CPEB1: variants seen among roughly 807,000 people sequenced by gnomAD.
The protein encoded by CPEB1 is cytoplasmic polyadenylation element-binding protein 1.
A neutral mutation model predicts 65.8 loss-of-function variants in CPEB1; 7 were observed. The observed-to-expected ratio is 0.11, with a 90% CI of 0.06 to 0.20. The LOEUF (loss-of-function observed/expected upper bound fraction) is 0.20. CPEB1 is among the 10% of genes least tolerant of loss of function. The pLI is 1.00. For synonymous variants in CPEB1, 262 were observed against 260.0 expected, an observed-to-expected ratio of 1.01 and a Z score of -0.08; for missense variants, 551 against 712.2, an observed-to-expected ratio of 0.77 and a Z score of 2.58.
Position 82,582,818 on chromosome 15 carries a change from C to T in CPEB1, c.272-11286G>A, listed in dbSNP as rs139240080. ...GTGCAGTGGCGTGATCTGGACTCAC[C>T]GCAAGCTCCGCCTCCCGGGTTCACG... On this transcript the variant is annotated intron_variant, in intron 3 of 12. Transcript: ENST00000684509. 8.7e-5 allele frequency among the ~76,000 whole-genome samples: 13 copies of T among 150,112 alleles called. 1 individual carries two copies. In the East Asian group the frequency reaches 2.0e-3, roughly 23 times the overall value.
intron 3 of CPEB1, among the ~76,000 whole-genome samples, chr15:82,611,525 G>C (rs569647326): frequency 1.3e-5 from 2 of 152,114 alleles, no homozygotes; most frequent in East Asian, 3.9e-4. Context: ...GGGAGGCTGA[G>C]GCAGGAGGAC....
intron 3 of CPEB1, among the ~76,000 whole-genome samples, chr15:82,596,460 C>T (rs1417864405): frequency 6.6e-6 from 1 of 152,070 alleles, no homozygotes; most frequent in Non-Finnish European, 1.5e-5. Flanking sequence ...AATCCCAGCA[C>T]TTTGGGAGAC....
At chr15:82,571,969 G>T in intron 3 of CPEB1, 1 of 531,264 alleles carries the variant, frequency 1.9e-6, no homozygotes, top group Non-Finnish European at 2.4e-6. Flanking sequence ...AGTCTGGGTT[G>T]CAAGGCAGCG....
At chr15:82,561,356 G>A (rs974861206) in intron 4 of CPEB1, among the ~76,000 whole-genome samples, 1 of 152,120 alleles carries the variant, frequency 6.6e-6, no homozygotes, top group Non-Finnish European at 1.5e-5. Flanking sequence ...AGCAGAAAAT[G>A]GGGGGAGCAT....
intron 9 of CPEB1, among the ~76,000 whole-genome samples, 175 bp downstream of exon 9, chr15:82,552,305 T>C (rs371754061): frequency 0.022 from 3,329 of 151,788 alleles, 125 homozygotes; most frequent in African/African-American, 0.076. Context: ...GTTGCTTTTT[T>C]TTTTTTTTAA....
intron 1 of CPEB1, among the ~76,000 whole-genome samples, chr15:82,635,701 G>C (rs2046603510): frequency 6.6e-6 from 1 of 152,058 alleles, no homozygotes; most frequent in Non-Finnish European, 1.5e-5. Flanking sequence ...ATTCAGGTAG[G>C]AAAAAGAAAC....
At chr15:82,611,588 C>G (rs2044156218) in intron 3 of CPEB1, among the ~76,000 whole-genome samples, 1 of 151,574 alleles carries the variant, frequency 6.6e-6, no homozygotes, top group Non-Finnish European at 1.5e-5. Flanking sequence ...AAGACCCCAT[C>G]TCTACAAAAA....
At chr15:82,614,402 CTA>C (rs920809409) in intron 3 of CPEB1, among the ~76,000 whole-genome samples, 1 of 152,148 alleles carries the variant, frequency 6.6e-6, no homozygotes, top group African/African-American at 2.4e-5. Flanking sequence ...TCCATATATT[CTA>C]TGTTTAACAA....
intron 4 of CPEB1, among the ~76,000 whole-genome samples, chr15:82,561,224 C>T (rs1344171352): frequency 6.6e-6 from 1 of 152,150 alleles, no homozygotes; most frequent in Middle Eastern, 3.2e-3. Context: ...TTCATGTGGA[C>T]ACTAAAAAGA....
chr15:82,563,357 CTTTTTTTT>C (rs71453394), intron 4 of CPEB1, among the ~76,000 whole-genome samples: 9 of 92,068 alleles, frequency 9.8e-5, no homozygotes, highest in Admixed American at 1.4e-4. Context: ...CATCTCTATT[CTTTTTTTT>C]TTTTTTTTTT....
At chr15:82,552,757 G>C in intron 8 of CPEB1, 141 bp from the exon 9 acceptor site, 1 of 917,998 alleles carries the variant, frequency 1.1e-6, no homozygotes, top group South Asian at 1.6e-5. Flanking sequence ...GAAAAGTCGT[G>C]TTGAGTGGAA....
chr15:82,597,812 C>A (rs373607256), intron 3 of CPEB1, among the ~76,000 whole-genome samples: 2 of 152,128 alleles, frequency 1.3e-5, no homozygotes, highest in African/African-American at 4.8e-5. Context: ...AAGAATGAGA[C>A]CCTGTCTCAA....
intron 1 of CPEB1, among the ~76,000 whole-genome samples, chr15:82,646,648 T>C (rs2047562732): frequency 6.6e-6 from 1 of 152,188 alleles, no homozygotes; most frequent in South Asian, 2.1e-4. Context: ...CCCAGGCGTC[T>C]GCCTGGCTTT....
rs1413976965 is a variant in CPEB1, at chr15:82,553,957, C to A, written c.975G>T (p.Gln325His). The change falls in exon 7 of 13, where the codon CAG (glutamine) becomes CAT (histidine). Residue 325 changes from glutamine (Q) to histidine (H), a missense_variant. Transcript: ENST00000684509. The part of the protein sequence containing the change: ...VNEATCTWSG[Q>H]LPPRNYKNPI... The stretch of plus-strand genomic sequence containing the variant: ...GGTTCTTATAGTTCCGGGGAGGAAG[C>A]TGGCCACTCCAGGTACAGGTGGCTT... 1.2e-6 allele frequency: 2 copies of A among 1,612,040 alleles called. No individual in the cohort carries two copies. The highest frequency in any genetic ancestry group is 1.7e-6 in the Non-Finnish European group (2 of 1,179,270).
chr15:82,576,906 T>C lies in CPEB1; in HGVS notation c.272-5374A>G, dbSNP rs182749948. ...GGGCATGGTGGGTGCACACTTGTAGTCACAGCTACTTGGGTGGCTGAGGTG... is the reference window on the plus strand; with the variant it reads ...GGGCATGGTGGGTGCACACTTGTAGCCACAGCTACTTGGGTGGCTGAGGTG... On this transcript the variant is annotated intron_variant, in intron 3 of 12. Coordinates refer to ENST00000684509, the MANE Select transcript of CPEB1 (RefSeq NM_001365242.1). Among the ~76,000 whole-genome samples the C allele has an allele frequency of 1.6e-3, 249 of 152,184 alleles. 1 individual carries two copies. The highest frequency in any genetic ancestry group is 5.7e-3 in the African/African-American group (238 of 41,530).
At chr15:82,612,806 C>CA (rs1454276629) in intron 3 of CPEB1, among the ~76,000 whole-genome samples, 1 of 151,990 alleles carries the variant, frequency 6.6e-6, no homozygotes, top group Non-Finnish European at 1.5e-5. Flanking sequence ...TGCACTCCAG[C>CA]CTGGGCAACA....
At chr15:82,571,725 T>C in intron 3 of CPEB1, 193 bp from the exon 4 acceptor site, 1 of 1,422,570 alleles carries the variant, frequency 7.0e-7, no homozygotes. Flanking sequence ...ACAGGCCCCC[T>C]CCCCTCACAC....
chr15:82,591,527 A>G (rs567141129), intron 3 of CPEB1, among the ~76,000 whole-genome samples: 37 of 152,252 alleles, frequency 2.4e-4, no homozygotes, highest in African/African-American at 8.7e-4. Flanking sequence ...TCGGCCTCCC[A>G]AAGTGCTGGG....
At chr15:82,635,615 C>T (rs1273332302) in intron 1 of CPEB1, among the ~76,000 whole-genome samples, 1 of 152,164 alleles carries the variant, frequency 6.6e-6, no homozygotes, top group East Asian at 1.9e-4. Flanking sequence ...TTCGTAAATG[C>T]TGACAACCCA....
Sources: gnomAD v4.1 joint callset for allele counts (sites outside exome capture counted in the v4.1 genomes callset) on GRCh38, gnomAD v4.1.1 for gene constraint, MANE v1.5 for transcripts, NCBI Gene and HGNC (gene_info 2026-07-23, HGNC 2026-07-21) for gene names.